GRIK4: variants seen among roughly 807,000 people sequenced by gnomAD.
GRIK4 encodes the protein glutamate receptor ionotropic, kainate 4.
Under a neutral mutation model 104.9 loss-of-function variants are expected in GRIK4, and 40 were observed. That is an observed-to-expected ratio of 0.38 (90% CI 0.30 to 0.50). The LOEUF is 0.50. Among genes scored for constraint, GRIK4 ranks in the 20% least tolerant of loss-of-function variants. GRIK4 has a pLI of 0.93. For missense variants in GRIK4, 1,047 were observed against 1,308.1 expected (o/e 0.80, Z 3.08); for synonymous variants, 485 against 524.9 (o/e 0.92, Z 1.04).
intron 11 of GRIK4, among the ~76,000 whole-genome samples, chr11:120,884,627 T>C (rs866297570): frequency 2.6e-5 from 4 of 151,322 alleles, no homozygotes; most frequent in Non-Finnish European, 5.9e-5. Context: ...CTGGTTCCAC[T>C]TGGCAGTGGC....
At chr11:120,933,402 C>G (rs1045166091) in intron 13 of GRIK4, among the ~76,000 whole-genome samples, 1 of 152,166 alleles carries the variant, frequency 6.6e-6, no homozygotes, top group Admixed American at 6.5e-5. Flanking sequence ...TACTTCAAAC[C>G]AGGCCCCATG....
chr11:120,944,781 G>C (rs191313374), intron 14 of GRIK4, among the ~76,000 whole-genome samples: 1 of 152,280 alleles, frequency 6.6e-6, no homozygotes, highest in East Asian at 1.9e-4. Context: ...GACTGTCTGG[G>C]TTTATTCCCA....
chr11:120,984,466 T>C (rs1446294010), intron 20 of GRIK4, among the ~76,000 whole-genome samples: 1 of 152,140 alleles, frequency 6.6e-6, no homozygotes, highest in African/African-American at 2.4e-5. Context: ...ATAATAGTAA[T>C]AGTAGTAATA....
intron 7 of GRIK4, among the ~76,000 whole-genome samples, chr11:120,835,407 A>C (rs1281725074): frequency 6.6e-6 from 1 of 152,180 alleles, no homozygotes; most frequent in African/African-American, 2.4e-5. Flanking sequence ...GGGTGCCTGT[A>C]ATTTCAGCTA....
chr11:120,943,256 C>A (rs1943773389), intron 14 of GRIK4, among the ~76,000 whole-genome samples: 1 of 152,076 alleles, frequency 6.6e-6, no homozygotes, highest in South Asian at 2.1e-4. Flanking sequence ...GGGGGCCAAG[C>A]AAGAAATGAG....
intron 1 of GRIK4, among the ~76,000 whole-genome samples, chr11:120,640,987 C>T (rs1949464144): frequency 6.6e-6 from 1 of 152,260 alleles, no homozygotes; most frequent in Non-Finnish European, 1.5e-5. Flanking sequence ...GCTGGGATTA[C>T]AGGCGTGAGC....
chr11:120,514,091 G>T (rs1947693998), intron 1 of GRIK4, among the ~76,000 whole-genome samples: 1 of 152,180 alleles, frequency 6.6e-6, no homozygotes, highest in African/African-American at 2.4e-5. Flanking sequence ...AGGGAGGACA[G>T]GGGGACCGGC....
At chr11:120,796,267 C>T (rs954181226) in intron 3 of GRIK4, among the ~76,000 whole-genome samples, 7 of 152,212 alleles carry the variant, frequency 4.6e-5, no homozygotes, top group African/African-American at 1.7e-4. Context: ...GCTCTCCTGA[C>T]CTCGTGATCC....
intron 1 of GRIK4, among the ~76,000 whole-genome samples, chr11:120,543,232 A>G (rs1948054181): frequency 6.6e-6 from 1 of 152,194 alleles, no homozygotes; most frequent in Non-Finnish European, 1.5e-5. Flanking sequence ...CCTGTATAAT[A>G]AACCTGCACA....
Position 120,518,414 on chromosome 11 carries a change from G to T in GRIK4, c.-159+6527G>T, listed in dbSNP as rs188805389. On this transcript the variant is annotated intron_variant, in intron 1 of 20. Coordinates refer to ENST00000527524, the MANE Select transcript of GRIK4 (RefSeq NM_014619.5). ...ACGGAATAGTGTCTCTAGCAAGGCT[G>T]GTGAAAGGATGGGGATTTGGGAGGC... 3.7e-3 allele frequency among the ~76,000 whole-genome samples: 564 copies of T among 152,214 alleles called. 3 individuals are homozygous for T. Among genetic ancestry groups the T allele is most frequent in the Non-Finnish European group, 6.5e-3 (444 of 68,016 alleles).
At chr11:120,926,507 T>C (rs1943348850) in intron 13 of GRIK4, among the ~76,000 whole-genome samples, 1 of 152,142 alleles carries the variant, frequency 6.6e-6, no homozygotes, top group Admixed American at 6.5e-5. Flanking sequence ...ATTTTCCAGA[T>C]GAGGAAACTG....
At chr11:120,949,416 C>G (rs1453944770) in intron 14 of GRIK4, among the ~76,000 whole-genome samples, 1 of 152,192 alleles carries the variant, frequency 6.6e-6, no homozygotes, top group Non-Finnish European at 1.5e-5. Flanking sequence ...CAGAGCTTGA[C>G]CTGTCTTCAA....
chr11:120,949,820 G>A (rs921266419), intron 14 of GRIK4, among the ~76,000 whole-genome samples: 82 of 152,178 alleles, frequency 5.4e-4, no homozygotes, highest in African/African-American at 2.4e-4. Flanking sequence ...TGATTTGAGC[G>A]AGGCACTTAA....
At chr11:120,840,876 G>C (rs1274183022) in intron 8 of GRIK4, among the ~76,000 whole-genome samples, 1 of 151,820 alleles carries the variant, frequency 6.6e-6, no homozygotes, top group Non-Finnish European at 1.5e-5. Flanking sequence ...TACCCATTAA[G>C]CAATAGCTCC....
At chr11:120,687,278 A>G (rs1334567420) in intron 3 of GRIK4, among the ~76,000 whole-genome samples, 2 of 151,958 alleles carry the variant, frequency 1.3e-5, no homozygotes, top group African/African-American at 2.4e-5. Context: ...GGGTCTTTTC[A>G]CTCTTGGGTT....
At chr11:120,815,316 A>G in intron 4 of GRIK4, 62 bp from the exon 5 acceptor site, 4 of 954,388 alleles carry the variant, frequency 4.2e-6, no homozygotes, top group Non-Finnish European at 6.6e-6. Flanking sequence ...GGACTGGGCC[A>G]TGGCGCAAGC....
intron 1 of GRIK4, among the ~76,000 whole-genome samples, chr11:120,518,011 C>T (rs935003680): frequency 2.0e-5 from 3 of 152,168 alleles, no homozygotes; most frequent in Non-Finnish European, 4.4e-5. Context: ...CATCTGGAGG[C>T]AGGGGAAGCC....
chr11:120,813,051 C>A (rs1033196346), intron 4 of GRIK4, among the ~76,000 whole-genome samples: 6 of 152,320 alleles, frequency 3.9e-5, no homozygotes, highest in African/African-American at 1.4e-4. Flanking sequence ...GAATGGATAA[C>A]AGGTCATGGT....
intron 8 of GRIK4, among the ~76,000 whole-genome samples, chr11:120,847,099 GACA>G (rs775769441): frequency 6.6e-6 from 1 of 152,226 alleles, no homozygotes; most frequent in Non-Finnish European, 1.5e-5. Flanking sequence ...TAATGTCCAT[GACA>G]ACATTAAATT....
Sources: gnomAD v4.1 joint callset for allele counts (sites outside exome capture counted in the v4.1 genomes callset) on GRCh38, gnomAD v4.1.1 for gene constraint, MANE v1.5 for transcripts, NCBI Gene and HGNC (gene_info 2026-07-23, HGNC 2026-07-21) for gene names.